STAB2: variants seen among roughly 807,000 people sequenced by gnomAD.
STAB2 encodes stabilin-2.
Under a neutral mutation model 338.1 loss-of-function variants are expected in STAB2, and 288 were observed. That is an observed-to-expected ratio of 0.85 (90% confidence interval 0.77 to 0.94). The LOEUF is 0.94. Ranked by LOEUF, STAB2 falls within the 40% of genes least tolerant of loss-of-function variation. The pLI, the probability that STAB2 is intolerant of heterozygous loss-of-function variation, is 0.00. For missense variants in STAB2, 3,141 were observed against 3,210.1 expected (o/e 0.98, Z 0.52); for synonymous variants, 1,202 against 1,193.3 (o/e 1.01, Z -0.15).
At chr12:103,669,445 T>C (rs1414604093) in intron 20 of STAB2, 96 bp from the exon 21 acceptor site, 1 of 1,085,938 alleles carries the variant, frequency 9.2e-7, no homozygotes, top group Non-Finnish European at 1.4e-6. Context: ...GAGGCGAATA[T>C]GGCTTAGTAT....
rs550488117 is a variant in STAB2 at position 103,623,061 on chromosome 12, G to T, written c.487+950G>T. Among the ~76,000 whole-genome samples the T allele has an allele frequency of 9.2e-5, 14 of 152,340 alleles. No individual in the cohort carries two copies. In the South Asian group the frequency reaches 2.5e-3, roughly 27 times the overall value. On this transcript the variant is annotated intron_variant, in intron 5 of 68. Transcript: ENST00000388887. ...CCCCAGAAGTAGACTCTGAGATAGA[G>T]ATTTGAGTAACAAGTAGTTAGTTTA...
At chr12:103,743,794 G>C (rs1882780869) in intron 56 of STAB2, among the ~76,000 whole-genome samples, 1 of 152,224 alleles carries the variant, frequency 6.6e-6, no homozygotes, top group Non-Finnish European at 1.5e-5. Flanking sequence ...AGCCAGCTTG[G>C]TGTGTACAGA....
At position 103,607,412 on chromosome 12, in the gene STAB2, G is replaced by T. The variant is rs1185655715; in HGVS notation, c.331+12902G>T. The stretch of plus-strand genomic sequence containing the variant: ...CTGTTTTTTTTTAATTATACTTTAA[G>T]TTTTAGGGTACATGTGCGCAACGTG... On this transcript the variant is annotated intron_variant, in intron 3 of 68. Transcript: ENST00000388887. 7.4e-5 allele frequency among the ~76,000 whole-genome samples: 11 copies of T among 148,934 alleles called. 1 individual carries two copies. Among genetic ancestry groups the T allele is most frequent in the Non-Finnish European group, 1.3e-4 (9 of 67,574 alleles).
At chr12:103,662,666 A>G (rs1417430271) in intron 17 of STAB2, among the ~76,000 whole-genome samples, 180 bp from the exon 18 acceptor site, 1 of 152,230 alleles carries the variant, frequency 6.6e-6, no homozygotes, top group Admixed American at 6.5e-5. Flanking sequence ...AATTCACTGA[A>G]CAGATTCAAT....
intron 44 of STAB2, 42 bp downstream of exon 44, chr12:103,717,883 C>A: frequency 6.2e-7 from 1 of 1,605,980 alleles, no homozygotes; most frequent in Non-Finnish European, 8.5e-7. Flanking sequence ...AGCCTCAGAG[C>A]CCAGGGTGCC....
At position 103,695,487 on chromosome 12, in the gene STAB2, G is replaced by A. The variant is rs952321461; in HGVS notation, c.3376-63G>A. On this transcript the variant is annotated intron_variant, in intron 31 of 68. Coordinates refer to ENST00000388887, the MANE Select transcript of STAB2 (RefSeq NM_017564.10). ...GGTTAATGGCATTAGACTCTCCTAT[G>A]TATCGAAAAGCAGTAGGTCCTACCA... The A allele has an allele frequency of 1.3e-5, 20 of 1,501,622 alleles. No individual in the cohort carries two copies. The Admixed American group carries it at 3.2e-4, about 24-fold the overall frequency. The allele number at this position is 1,501,622 out of a possible 1,614,324, so 93.0% of individuals were successfully genotyped here. A position where few individuals can be genotyped will look rare whatever the true frequency, so the allele number is the denominator to read the frequency against.
Position 103,735,340 on chromosome 12 carries a change from T to A in STAB2, c.5461-151T>A, listed in dbSNP as rs1207104813. The stretch of plus-strand genomic sequence containing the variant: ...CAGAGAGCCCCGATTATTCTTCCCA[T>A]TGGTTATACCTACGGTCATTTGTAA... On this transcript the variant is annotated intron_variant, in intron 51 of 68. Transcript: ENST00000388887. 2.7e-5 allele frequency: 14 copies of A among 519,174 alleles called. No homozygotes were observed. In the East Asian group the frequency reaches 4.4e-4, roughly 16 times the overall value. 32.2% of individuals were successfully genotyped at this position (519,174 alleles called of 1,614,324 possible). A position where few individuals can be genotyped will look rare whatever the true frequency, so the allele number is the denominator to read the frequency against.
At chr12:103,711,660 T>A in intron 40 of STAB2, 144 bp downstream of exon 40, 1 of 957,222 alleles carries the variant, frequency 1.0e-6, no homozygotes, top group East Asian at 2.6e-5. Flanking sequence ...AAACTAAAAA[T>A]ATCTCTGAAG....
chr12:103,682,337 G>T (rs752695452), intron 25 of STAB2, among the ~76,000 whole-genome samples: 1 of 152,294 alleles, frequency 6.6e-6, no homozygotes, highest in East Asian at 1.9e-4. Flanking sequence ...GCCAGGGGAG[G>T]ATCGAGACTG....
chr12:103,677,040 G>A (rs1400491972), intron 24 of STAB2, among the ~76,000 whole-genome samples: 2 of 152,152 alleles, frequency 1.3e-5, no homozygotes, highest in East Asian at 3.9e-4. Flanking sequence ...CTCCTCCTGA[G>A]AGGCCCGGGA....
chr12:103,747,361 G>C (rs930197791), intron 58 of STAB2, among the ~76,000 whole-genome samples: 6 of 152,176 alleles, frequency 3.9e-5, no homozygotes, highest in Non-Finnish European at 7.3e-5. Flanking sequence ...TAACAGGTTG[G>C]AAGTATTCAG....
intron 2 of STAB2, 44 bp downstream of exon 2, chr12:103,591,074 T>G: frequency 6.2e-7 from 1 of 1,609,258 alleles, no homozygotes; most frequent in South Asian, 1.1e-5. Flanking sequence ...GAATCCAACT[T>G]GAAGCTCCCT....
At chr12:103,758,518 G>A (rs747996163) in intron 64 of STAB2, among the ~76,000 whole-genome samples, 9 of 152,186 alleles carry the variant, frequency 5.9e-5, no homozygotes, top group Non-Finnish European at 1.0e-4. Context: ...AACTCTCATC[G>A]TCCAACAGGC....
intron 44 of STAB2, among the ~76,000 whole-genome samples, chr12:103,723,201 T>C (rs1880905012): frequency 6.6e-6 from 1 of 152,214 alleles, no homozygotes; most frequent in East Asian, 1.9e-4. Flanking sequence ...TAGTCAATTT[T>C]CACGCTGCTG....
intron 5 of STAB2, among the ~76,000 whole-genome samples, chr12:103,626,775 T>C (rs1957387194): frequency 6.6e-6 from 1 of 152,184 alleles, no homozygotes; most frequent in African/African-American, 2.4e-5. Flanking sequence ...TAGGTGCAGT[T>C]TATTTTTAAC....
intron 3 of STAB2, among the ~76,000 whole-genome samples, chr12:103,618,139 T>G (rs1455056529): frequency 6.6e-6 from 1 of 152,234 alleles, no homozygotes; most frequent in Non-Finnish European, 1.5e-5. Flanking sequence ...TCTGAATGTT[T>G]GTGTCTCCCC....
chr12:103,716,415 C>T (rs1042891440), intron 43 of STAB2, among the ~76,000 whole-genome samples: 2 of 152,160 alleles, frequency 1.3e-5, no homozygotes, highest in African/African-American at 4.8e-5. Context: ...GGCAGGGAAG[C>T]TGGAGGCCTG....
At chr12:103,720,134 T>C (rs532007957) in intron 44 of STAB2, among the ~76,000 whole-genome samples, 1 of 152,258 alleles carries the variant, frequency 6.6e-6, no homozygotes, top group East Asian at 1.9e-4. Context: ...ACGGAAAAGA[T>C]GGGGGCTGAG....
intron 61 of STAB2, 181 bp from the exon 62 acceptor site, chr12:103,755,121 A>T (rs2139208303): frequency 1.3e-6 from 1 of 741,978 alleles, no homozygotes; most frequent in Non-Finnish European, 2.2e-6. Flanking sequence ...TTGTTCACCC[A>T]GTGGCTCAAT....
Sources: gnomAD v4.1 joint callset for allele counts (sites outside exome capture counted in the v4.1 genomes callset) on GRCh38, gnomAD v4.1.1 for gene constraint, MANE v1.5 for transcripts, NCBI Gene and HGNC (gene_info 2026-07-23, HGNC 2026-07-21) for gene names.